Variants in DNAH5 observed in about 807,000 individuals in gnomAD.
DNAH5 encodes axonemal beta dynein heavy chain 5.
Under a neutral mutation model 518.2 loss-of-function variants are expected in DNAH5, and 372 were observed. The observed-to-expected ratio is 0.72, with a 90% CI of 0.66 to 0.78. DNAH5 has a LOEUF of 0.78. DNAH5 is among the 30% of genes least tolerant of loss of function. The pLI, the probability that DNAH5 is intolerant of heterozygous loss-of-function variation, is 0.00. For synonymous variants in DNAH5, 2,039 were observed against 2,025.9 expected, an observed-to-expected ratio of 1.01 and a Z score of -0.17; for missense variants, 5,523 against 5,687.0, an observed-to-expected ratio of 0.97 and a Z score of 0.93.
In DNAH5 at chr5:13,810,534, C is replaced by A. The variant is rs112425826; in HGVS notation, c.7408-274G>T. The stretch of plus-strand genomic sequence containing the variant: ...GGCGGGCGGATCATGAGGTCAGGAG[C>A]TCGAGACCATCCTGGCTAACATGGT... On this transcript the variant is annotated intron_variant, in intron 44 of 78. Coordinates refer to ENST00000265104, the MANE Select transcript of DNAH5 (RefSeq NM_001369.3). 1,822 of 378,978 alleles carry A rather than the reference C, an allele frequency of 4.8e-3. 42 individuals are homozygous for A. The highest frequency in any genetic ancestry group is 0.038 in the African/African-American group (1,706 of 45,236). 23.5% of individuals were successfully genotyped at this position (378,978 alleles called of 1,614,324 possible).
At chr5:13,959,045 G>A (rs1009491116) in intron 1 of DNAH5, among the ~76,000 whole-genome samples, 4 of 152,092 alleles carry the variant, frequency 2.6e-5, no homozygotes, top group African/African-American at 7.2e-5. Flanking sequence ...TGCAACCTCC[G>A]CCTCTCAGGT....
rs114050816 is a variant in DNAH5, at chr5:13,768,080, A to G, written c.9897+880T>C. On this transcript the variant is annotated intron_variant, in intron 58 of 78. Transcript: ENST00000265104. ...ACTCATTTCATTTTCTCAAAATCCA[A>G]CCTCTTTTGTAATTTTGCCATTGGT... Among the ~76,000 whole-genome samples, 1,223 of 152,222 alleles carry G rather than the reference A, an allele frequency of 8.0e-3. 12 individuals are homozygous for G. The highest frequency in any genetic ancestry group is 0.028 in the African/African-American group (1,154 of 41,530).
intron 1 of DNAH5, among the ~76,000 whole-genome samples, chr5:13,959,217 G>A (rs1780981941): frequency 6.6e-6 from 1 of 152,222 alleles, no homozygotes; most frequent in Non-Finnish European, 1.5e-5. Context: ...AAAATGCTGG[G>A]ATTATAGGCA....
chr5:13,886,100 T>C lies in DNAH5; in HGVS notation c.2607A>G (p.Leu869=), dbSNP rs1354805314. The change falls in exon 18 of 79, where the codon CTA becomes CTG. Residue 869 remains leucine (L), a synonymous_variant. Coordinates refer to ENST00000265104, the MANE Select transcript of DNAH5 (RefSeq NM_001369.3). The stretch of plus-strand genomic sequence containing the variant: ...CCTCCACTAATGAGCTTTTAAAATG[T>C]AGTATTTGTGCACCATTTACACAAA... ...KDLCVNGAQI[L]HFKSSLVEEA... The C allele has an allele frequency of 3.8e-6, 6 of 1,594,002 alleles. No homozygotes were observed. The highest frequency in any genetic ancestry group is 5.1e-6 in the Non-Finnish European group (6 of 1,175,282).
At chr5:13,784,020 A>G (rs1349128993) in intron 52 of DNAH5, among the ~76,000 whole-genome samples, 1 of 152,202 alleles carries the variant, frequency 6.6e-6, no homozygotes, top group African/African-American at 2.4e-5. Flanking sequence ...GCACCGAGGC[A>G]TTCACACCTC....
Position 13,769,624 on chromosome 5 carries a change from GA to G in DNAH5, c.9606-10del. 6.2e-7 allele frequency: 1 copy of G among 1,606,832 alleles called. No homozygotes were observed. The highest frequency in any genetic ancestry group is 8.5e-7 in the Non-Finnish European group (1 of 1,173,434). ...CCAATCCAGTATTCATTCTGGGATT[GA>G]AAATCCAAGCAAGCAATGTTAAAAT... On this transcript the variant is annotated splice_polypyrimidine_tract_variant and intron_variant, in intron 56 of 78. Transcript: ENST00000265104.
At chr5:13,760,244 T>C (rs1751594658) in intron 60 of DNAH5, among the ~76,000 whole-genome samples, 1 of 152,210 alleles carries the variant, frequency 6.6e-6, no homozygotes, top group South Asian at 2.1e-4. Context: ...TTATATTAAA[T>C]GAAGCTGTCA....
At chr5:13,934,984 C>G (rs556366355) in intron 1 of DNAH5, among the ~76,000 whole-genome samples, 3 of 152,292 alleles carry the variant, frequency 2.0e-5, no homozygotes, top group African/African-American at 7.2e-5. Flanking sequence ...AAATAAAAGA[C>G]TTTTCTCTAA....
intron 17 of DNAH5, among the ~76,000 whole-genome samples, chr5:13,886,721 A>C (rs1772494879): frequency 6.6e-6 from 1 of 152,230 alleles, no homozygotes; most frequent in Non-Finnish European, 1.5e-5. Flanking sequence ...AGTTAGGCAC[A>C]GTGTCCAGCT....
chr5:13,725,709 C>A (rs895710430), intron 70 of DNAH5, among the ~76,000 whole-genome samples: 2 of 152,144 alleles, frequency 1.3e-5, no homozygotes, highest in South Asian at 2.1e-4. Flanking sequence ...AGGCTGGGTG[C>A]AGTGGCACGA....
chr5:13,712,492 C>G (rs1212644416), intron 75 of DNAH5, among the ~76,000 whole-genome samples: 1 of 152,132 alleles, frequency 6.6e-6, no homozygotes, highest in East Asian at 1.9e-4. Context: ...AACTAAAGAG[C>G]CTTTGCATGG....
At chr5:13,842,506 GAA>G (rs1422210741) in intron 32 of DNAH5, among the ~76,000 whole-genome samples, 1 of 87,992 alleles carries the variant, frequency 1.1e-5, no homozygotes, top group African/African-American at 5.0e-5. Flanking sequence ...AAGAAAGAAA[GAA>G]AAAGAAAGAA....
intron 53 of DNAH5, among the ~76,000 whole-genome samples, chr5:13,780,559 A>C (rs1754945269): frequency 6.6e-6 from 1 of 152,356 alleles, no homozygotes; most frequent in Admixed American, 6.5e-5. Flanking sequence ...ATTCACCAAA[A>C]GTAGTGCATG....
At chr5:13,929,573 A>G (rs1778218409) in intron 2 of DNAH5, among the ~76,000 whole-genome samples, 3 of 152,316 alleles carry the variant, frequency 2.0e-5, no homozygotes, top group South Asian at 4.1e-4. Context: ...GTCCCCTTCA[A>G]TTTCCACCAT....
intron 1 of DNAH5, among the ~76,000 whole-genome samples, chr5:13,960,096 G>C (rs1358770291): frequency 1.4e-5 from 2 of 145,684 alleles, no homozygotes; most frequent in African/African-American, 5.2e-5. Context: ...GGCATGAGGG[G>C]AACGCTTTTA....
Position 13,830,664 on chromosome 5 carries a change from C to T in DNAH5, c.5994G>A (p.Gly1998=). Residue 1998 remains glycine, a synonymous_variant, in exon 36 of 79, where the codon GGG becomes GGA. Transcript: ENST00000265104. ...AACAATTGAAAACCACGACGTATTTCCCGAGGCATCGTCCCATGTCTTTAG... is the reference window on the plus strand; with the variant it reads ...AACAATTGAAAACCACGACGTATTTTCCGAGGCATCGTCCCATGTCTTTAG... ...ETTKDMGRCL[G]KYVVVFNCSD... is the part of the protein sequence containing the mutation. The T allele has an allele frequency of 6.2e-7, 1 of 1,614,210 alleles. No individual in the cohort carries two copies. The highest frequency in any genetic ancestry group is 8.5e-7 in the Non-Finnish European group (1 of 1,180,036).
At chr5:13,910,884 C>T (rs1044341199) in intron 12 of DNAH5, among the ~76,000 whole-genome samples, 1 of 152,218 alleles carries the variant, frequency 6.6e-6, no homozygotes, top group Non-Finnish European at 1.5e-5. Context: ...GATGGCTGGT[C>T]TGCAGTGAGC....
Position 13,768,999 on chromosome 5 carries a change from T to C in DNAH5, c.9858A>G (p.Ala3286=). 2 of 1,614,232 alleles carry C rather than the reference T, an allele frequency of 1.2e-6. No homozygotes were observed. Among genetic ancestry groups the C allele is most frequent in the Non-Finnish European group, 1.7e-6 (2 of 1,180,018 alleles). ...CTGCCTCTTCTAAAGCTGGTTTTGC[T>C]GCTTCCAGTTTTTCTTCAGCAATGG... The part of the protein sequence containing the change: ...DKAIAEEKLE[A]AKPALEEAEA... The change falls in exon 58 of 79, where the codon GCA becomes GCG. Residue 3286 remains alanine (A), a synonymous_variant. Coordinates refer to ENST00000265104, the MANE Select transcript of DNAH5 (RefSeq NM_001369.3).
At chr5:13,790,113 A>G (rs1328696946) in intron 50 of DNAH5, among the ~76,000 whole-genome samples, 1 of 152,228 alleles carries the variant, frequency 6.6e-6, no homozygotes, top group Non-Finnish European at 1.5e-5. Flanking sequence ...AGTGTAAATT[A>G]GTTCAAGCAT....
Sources: gnomAD v4.1 joint callset for allele counts (sites outside exome capture counted in the v4.1 genomes callset) on GRCh38, gnomAD v4.1.1 for gene constraint, MANE v1.5 for transcripts, NCBI Gene and HGNC (gene_info 2026-07-23, HGNC 2026-07-21) for gene names.